Variants in TNFSF4 observed in about 807,000 individuals in gnomAD.
The protein encoded by TNFSF4 is tumor necrosis factor ligand superfamily member 4.
TNFSF4 carries 4 observed loss-of-function variants against 7.3 expected under a neutral mutation model. That is an observed-to-expected ratio of 0.55 (90% CI 0.27 to 1.25). TNFSF4 has a LOEUF of 1.25. Among genes scored for constraint, TNFSF4 ranks in the 50% most tolerant of loss-of-function variants. TNFSF4 has a pLI of 0.12. For synonymous variants in TNFSF4, 76 were observed against 83.7 expected (o/e 0.91, Z 0.50); for missense variants, 181 against 208.8 (o/e 0.87, Z 0.82).
the TNFSF4 span, among the ~76,000 whole-genome samples, chr1:173,385,348 G>T: frequency 6.6e-6 from 1 of 152,064 alleles, no homozygotes; most frequent in Non-Finnish European, 1.5e-5. Flanking sequence ...CCTAAAGACA[G>T]AGAAAAGAAA....
the TNFSF4 span, among the ~76,000 whole-genome samples, chr1:173,443,643 C>T: frequency 1.3e-5 from 2 of 152,128 alleles, no homozygotes; most frequent in African/African-American, 4.8e-5. Flanking sequence ...ACTCCAGGAC[C>T]TCTCTCCCCC....
At chr1:173,311,711 C>A in the TNFSF4 span, among the ~76,000 whole-genome samples, 4 of 151,998 alleles carry the variant, frequency 2.6e-5, no homozygotes, top group Non-Finnish European at 5.9e-5. Context: ...TAGAGCATAC[C>A]AGAACCAGGA....
chr1:173,207,241 T>C lies in TNFSF4; in HGVS notation c.-65A>G. 6.7e-7 allele frequency: 1 copy of C among 1,500,278 alleles called. No homozygotes were observed. Among genetic ancestry groups the C allele is most frequent in the Non-Finnish European group, 9.1e-7 (1 of 1,096,868 alleles). The allele number at this position is 1,500,278 out of a possible 1,614,324, so 92.9% of individuals were successfully genotyped here. Reference sequence around the variant, plus strand: ...AGGGGAACGTGCGATAAAACTGAAGTTTTCCCCAGAAAGAAGGAGGTAAAG... The same window carrying C: ...AGGGGAACGTGCGATAAAACTGAAGCTTTCCCCAGAAAGAAGGAGGTAAAG... On this transcript the variant is annotated 5_prime_UTR_variant, in exon 1 of 3. Transcript: ENST00000281834.
chr1:173,197,290 A>T (rs941836147), intron 1 of TNFSF4, among the ~76,000 whole-genome samples: 3 of 152,232 alleles, frequency 2.0e-5, no homozygotes, highest in African/African-American at 7.2e-5. Context: ...TTCCCCAAAG[A>T]TCTAAAAGCA....
chr1:173,240,936 C>G, the TNFSF4 span, among the ~76,000 whole-genome samples: 1 of 152,184 alleles, frequency 6.6e-6, no homozygotes, highest in Non-Finnish European at 1.5e-5. Flanking sequence ...TTTAGCATCT[C>G]TTTAGTATTT....
At chr1:173,316,284 T>C in the TNFSF4 span, among the ~76,000 whole-genome samples, 1 of 152,170 alleles carries the variant, frequency 6.6e-6, no homozygotes, top group African/African-American at 2.4e-5. Flanking sequence ...TAGATATATA[T>C]GTCAAAACAT....
chr1:173,382,248 TCA>T, the TNFSF4 span, among the ~76,000 whole-genome samples: 1 of 151,530 alleles, frequency 6.6e-6, no homozygotes, highest in Non-Finnish European at 1.5e-5. Context: ...GCTGTAACAC[TCA>T]CTGCAAAGGT....
chr1:173,430,073 C>T, the TNFSF4 span, among the ~76,000 whole-genome samples: 1 of 152,176 alleles, frequency 6.6e-6, no homozygotes, highest in Non-Finnish European at 1.5e-5. Context: ...CCCCAGCAGG[C>T]TCCACCCTTC....
chr1:173,300,438 A>G, the TNFSF4 span, among the ~76,000 whole-genome samples: 1 of 151,808 alleles, frequency 6.6e-6, no homozygotes, highest in African/African-American at 2.4e-5. Flanking sequence ...TAGAATCTCA[A>G]AGGTCCCTGG....
At chr1:173,324,850 C>G in the TNFSF4 span, among the ~76,000 whole-genome samples, 1 of 152,070 alleles carries the variant, frequency 6.6e-6, no homozygotes, top group Non-Finnish European at 1.5e-5. Context: ...ACAGGAGCAC[C>G]CAGATTCATA....
chr1:173,327,694 G>T, the TNFSF4 span, among the ~76,000 whole-genome samples: 2 of 152,080 alleles, frequency 1.3e-5, no homozygotes, highest in African/African-American at 4.8e-5. Context: ...GTGGGCAAAG[G>T]ATATGAACAG....
the TNFSF4 span, among the ~76,000 whole-genome samples, chr1:173,218,848 T>C: frequency 6.6e-6 from 1 of 152,162 alleles, no homozygotes; most frequent in Non-Finnish European, 1.5e-5. Flanking sequence ...AAAATATATG[T>C]AATAGATTAC....
the TNFSF4 span, among the ~76,000 whole-genome samples, chr1:173,392,422 C>A: frequency 1.3e-5 from 2 of 152,162 alleles, no homozygotes; most frequent in Non-Finnish European, 2.9e-5. Context: ...CCAAACAACT[C>A]TCTGCATTAC....
At chr1:173,376,687 T>C in the TNFSF4 span, among the ~76,000 whole-genome samples, 1 of 152,100 alleles carries the variant, frequency 6.6e-6, no homozygotes, top group Non-Finnish European at 1.5e-5. Flanking sequence ...AATGGACCAA[T>C]CGGCAGGACA....
the TNFSF4 span, among the ~76,000 whole-genome samples, chr1:173,248,446 AAGAG>A: frequency 3.3e-5 from 5 of 150,934 alleles, no homozygotes; most frequent in African/African-American, 9.7e-5. Flanking sequence ...AGAGAGGAGA[AAGAG>A]AGAGGGAGAA....
the TNFSF4 span, among the ~76,000 whole-genome samples, chr1:173,212,408 G>T: frequency 9.9e-5 from 15 of 152,034 alleles, no homozygotes; most frequent in Admixed American, 4.6e-4. Context: ...ACCACTGAAG[G>T]TCTCTTTCAC....
At chr1:173,356,654 T>C in the TNFSF4 span, among the ~76,000 whole-genome samples, 1 of 152,220 alleles carries the variant, frequency 6.6e-6, no homozygotes, top group African/African-American at 2.4e-5. Flanking sequence ...ATCCAAGCTA[T>C]ATGTCTTTAA....
chr1:173,377,475 G>C, the TNFSF4 span, among the ~76,000 whole-genome samples: 1 of 152,148 alleles, frequency 6.6e-6, no homozygotes, highest in Non-Finnish European at 1.5e-5. Context: ...ATGACCCTGC[G>C]GCCATGAGTG....
At chr1:173,294,629 A>C in the TNFSF4 span, among the ~76,000 whole-genome samples, 1 of 152,046 alleles carries the variant, frequency 6.6e-6, no homozygotes, top group Non-Finnish European at 1.5e-5. Context: ...CAAACCCCCC[A>C]AAAAATAAAA....
Sources: gnomAD v4.1 joint callset for allele counts (sites outside exome capture counted in the v4.1 genomes callset) on GRCh38, gnomAD v4.1.1 for gene constraint, MANE v1.5 for transcripts, NCBI Gene and HGNC (gene_info 2026-07-23, HGNC 2026-07-21) for gene names.